Variants in HPSE2 observed in about 807,000 individuals in gnomAD.
HPSE2 encodes inactive heparanase-2.
A neutral mutation model predicts 60.5 loss-of-function variants in HPSE2; 38 were observed. The observed-to-expected ratio is 0.63, with a 90% CI of 0.48 to 0.82. HPSE2 has a LOEUF of 0.82. Among genes scored for constraint, HPSE2 ranks in the 40% least tolerant of loss-of-function variants. The pLI is 0.00. For missense variants in HPSE2, 713 were observed against 740.4 expected, an observed-to-expected ratio of 0.96 and a Z score of 0.43; for synonymous variants, 295 against 293.2, an observed-to-expected ratio of 1.01 and a Z score of -0.06.
At chr10:99,261,701 T>C in the HPSE2 span, among the ~76,000 whole-genome samples, 1 of 152,144 alleles carries the variant, frequency 6.6e-6, no homozygotes, top group Non-Finnish European at 1.5e-5. Context: ...CAGGACTTAA[T>C]TAACCTCACC....
chr10:98,535,176 T>C (rs965746407), intron 9 of HPSE2, among the ~76,000 whole-genome samples: 1 of 152,214 alleles, frequency 6.6e-6, no homozygotes, highest in Non-Finnish European at 1.5e-5. Context: ...TAGATAATAA[T>C]GAACAATTTT....
intron 3 of HPSE2, among the ~76,000 whole-genome samples, chr10:99,141,069 T>G (rs1845850146): frequency 6.6e-6 from 1 of 152,208 alleles, no homozygotes; most frequent in South Asian, 2.1e-4. Flanking sequence ...GAATTCATTC[T>G]TTATGTACAC....
chr10:98,918,135 A>G (rs1166926712), intron 3 of HPSE2, among the ~76,000 whole-genome samples: 2 of 152,228 alleles, frequency 1.3e-5, no homozygotes, highest in Non-Finnish European at 2.9e-5. Flanking sequence ...AGATAAAAGC[A>G]TCAACAATAA....
chr10:98,532,565 C>G (rs2133804064), intron 9 of HPSE2, among the ~76,000 whole-genome samples: 1 of 152,270 alleles, frequency 6.6e-6, no homozygotes, highest in Non-Finnish European at 1.5e-5. Flanking sequence ...ATAATACACA[C>G]TCAATAATAT....
At chr10:99,063,995 AG>A (rs1842532306) in intron 3 of HPSE2, among the ~76,000 whole-genome samples, 1 of 152,182 alleles carries the variant, frequency 6.6e-6, no homozygotes, top group Non-Finnish European at 1.5e-5. Context: ...CAGGAAGCTG[AG>A]GCAGGAGAAT....
At chr10:98,664,912 A>G (rs1188764077) in intron 6 of HPSE2, among the ~76,000 whole-genome samples, 2 of 152,172 alleles carry the variant, frequency 1.3e-5, no homozygotes, top group Non-Finnish European at 2.9e-5. Flanking sequence ...CCAAAAGAAT[A>G]TAATAGCCAC....
chr10:98,921,804 T>A (rs1217566103), intron 3 of HPSE2, among the ~76,000 whole-genome samples: 2 of 152,090 alleles, frequency 1.3e-5, no homozygotes. Flanking sequence ...GAGAAGCTTA[T>A]TAGGTGAATA....
chr10:99,169,332 C>T (rs1231501328), intron 2 of HPSE2, among the ~76,000 whole-genome samples: 2 of 148,258 alleles, frequency 1.3e-5, no homozygotes, highest in African/African-American at 5.0e-5. Context: ...GGTGAAACCC[C>T]GTCTCTACTA....
chr10:98,531,299 G>A (rs568693913), intron 9 of HPSE2, among the ~76,000 whole-genome samples: 193 of 152,320 alleles, frequency 1.3e-3, no homozygotes, highest in Middle Eastern at 6.8e-3. Context: ...TGGGAAGAAC[G>A]AGGAGTTTGT....
chr10:98,629,738 A>C (rs1305774534), intron 7 of HPSE2, among the ~76,000 whole-genome samples: 5 of 152,202 alleles, frequency 3.3e-5, no homozygotes, highest in Non-Finnish European at 7.3e-5. Flanking sequence ...CAGCAGTGGT[A>C]CTCAATTATT....
At chr10:98,965,291 T>A (rs896752136) in intron 3 of HPSE2, among the ~76,000 whole-genome samples, 2 of 152,180 alleles carry the variant, frequency 1.3e-5, no homozygotes, top group Non-Finnish European at 2.9e-5. Flanking sequence ...CAGGAAAGTA[T>A]AAAGGATACT....
At chr10:99,241,160 G>A in the HPSE2 span, among the ~76,000 whole-genome samples, 1 of 152,044 alleles carries the variant, frequency 6.6e-6, no homozygotes, top group Non-Finnish European at 1.5e-5. Flanking sequence ...TTAAACCAAG[G>A]GCCATCTGAC....
intron 3 of HPSE2, among the ~76,000 whole-genome samples, chr10:99,024,533 A>G (rs1957334421): frequency 6.6e-6 from 1 of 152,198 alleles, no homozygotes; most frequent in African/African-American, 2.4e-5. Flanking sequence ...AGAACTTCCC[A>G]AGCCTAGAAA....
At chr10:98,902,433 C>T (rs1953692600) in intron 3 of HPSE2, among the ~76,000 whole-genome samples, 1 of 152,052 alleles carries the variant, frequency 6.6e-6, no homozygotes. Context: ...ACTTTATCAC[C>T]ATGTTAAGGT....
chr10:99,080,236 T>C (rs770442153), intron 3 of HPSE2, among the ~76,000 whole-genome samples: 1 of 152,196 alleles, frequency 6.6e-6, no homozygotes, highest in Non-Finnish European at 1.5e-5. Flanking sequence ...GAGTTTTAAG[T>C]TGTTGGCCTA....
At chr10:98,601,317 A>G (rs1025967026) in intron 9 of HPSE2, among the ~76,000 whole-genome samples, 3 of 152,216 alleles carry the variant, frequency 2.0e-5, no homozygotes, top group Non-Finnish European at 1.5e-5. Flanking sequence ...TCTGGGTAAC[A>G]TGGCCTAGCC....
At chr10:98,682,933 G>T (rs1276865818) in intron 6 of HPSE2, among the ~76,000 whole-genome samples, 1 of 152,114 alleles carries the variant, frequency 6.6e-6, no homozygotes, top group East Asian at 1.9e-4. Context: ...CACAGTGAAG[G>T]CAGAGGGTAA....
chr10:98,586,488 A>G (rs546802510), intron 9 of HPSE2, among the ~76,000 whole-genome samples: 4 of 152,362 alleles, frequency 2.6e-5, no homozygotes, highest in African/African-American at 9.6e-5. Context: ...TAATTTAAGC[A>G]TATAAATGGG....
In HPSE2 at chr10:99,026,183, C is replaced by T. The variant is rs533790681; in HGVS notation, c.610+118055G>A. Among the ~76,000 whole-genome samples the T allele has an allele frequency of 1.0e-3, 157 of 152,070 alleles. 1 individual carries two copies. In the Middle Eastern group the frequency reaches 0.024, roughly 23 times the overall value. On this transcript the variant is annotated intron_variant, in intron 3 of 11. Transcript: ENST00000370552. Reference sequence around the variant, plus strand: ...CTCCAATCAAAAAAACATACACTGGCTGAATGGATGAGAAAATAAGAACCA... The same window carrying T: ...CTCCAATCAAAAAAACATACACTGGTTGAATGGATGAGAAAATAAGAACCA...
Sources: allele counts gnomAD v4.1 joint callset (sites outside exome capture counted in the v4.1 genomes callset), GRCh38; gene constraint gnomAD v4.1.1; transcripts MANE v1.5; gene names NCBI Gene and HGNC (gene_info 2026-07-23, HGNC 2026-07-21).